Variants in HMCN1 observed in about 807,000 individuals in gnomAD.
HMCN1 encodes the protein hemicentin 1.
HMCN1 carries 321 observed loss-of-function variants against 625.9 expected under a neutral mutation model. The ratio of observed to expected loss-of-function variants is 0.51; its 90% CI spans 0.47 to 0.56. The LOEUF (loss-of-function observed/expected upper bound fraction) is 0.56, where lower values mean the gene tolerates loss of function less well. HMCN1 is among the 20% of genes least tolerant of loss of function. HMCN1 has a pLI of 0.00. For missense variants in HMCN1, 6,588 were observed against 6,887.3 expected (o/e 0.96, Z 1.54); for synonymous variants, 2,425 against 2,417.6 (o/e 1.00, Z -0.09).
intron 71 of HMCN1, among the ~76,000 whole-genome samples, chr1:186,109,901 G>T (rs1660796280): frequency 1.3e-5 from 2 of 152,126 alleles, no homozygotes; most frequent in South Asian, 4.1e-4. Flanking sequence ...TCCATAGTCT[G>T]ATCTCCCATG....
intron 35 of HMCN1, among the ~76,000 whole-genome samples, chr1:186,020,554 CAG>C (rs1654657364): frequency 6.6e-6 from 1 of 151,948 alleles, no homozygotes; most frequent in Admixed American, 6.6e-5. Flanking sequence ...ACCTGGGAGA[CAG>C]ATATTTATTA....
chr1:185,941,618 C>T (rs899565806), intron 11 of HMCN1, among the ~76,000 whole-genome samples: 3 of 152,130 alleles, frequency 2.0e-5, no homozygotes, highest in African/African-American at 7.2e-5. Context: ...TTGGTATTCA[C>T]GTAATTTCTC....
chr1:186,093,198 A>G lies in HMCN1; in HGVS notation c.9952A>G (p.Thr3318Ala), dbSNP rs960736375. Residue 3318 changes from threonine (T) to alanine (A), a missense_variant, in exon 65 of 107, where the codon ACA (threonine) becomes GCA (alanine). Thr to Ala is a moderately conservative substitution (Grantham distance 58). This residue lies in a region of HMCN1 where 4,628 missense variants were observed against 4,853.1 expected (regional missense o/e 0.95). Coordinates refer to ENST00000271588, the MANE Select transcript of HMCN1 (RefSeq NM_031935.3). ...GALTSDTGKY[T>A]CVATNPAGEE... ...TCTTACATCTGACACGGGGAAATACACATGTGTTGCTACTAATCCCGCTGG... is the reference window on the plus strand; with the variant it reads ...TCTTACATCTGACACGGGGAAATACGCATGTGTTGCTACTAATCCCGCTGG... The G allele has an allele frequency of 9.9e-6, 16 of 1,613,128 alleles. No individual in the cohort carries two copies. Among genetic ancestry groups the G allele is most frequent in the Non-Finnish European group, 1.2e-5 (14 of 1,179,474 alleles).
intron 1 of HMCN1, among the ~76,000 whole-genome samples, chr1:185,820,132 T>C (rs1171453178): frequency 1.3e-5 from 2 of 152,154 alleles, no homozygotes; most frequent in Non-Finnish European, 2.9e-5. Flanking sequence ...GGAGAAAGTG[T>C]CTAAATATGT....
chr1:186,182,839 A>G (rs1653019840), intron 105 of HMCN1, among the ~76,000 whole-genome samples: 1 of 152,236 alleles, frequency 6.6e-6, no homozygotes. Flanking sequence ...AGTCTAGTGG[A>G]GACAGACATG....
At chr1:185,736,275 C>T (rs1391588648) in intron 1 of HMCN1, among the ~76,000 whole-genome samples, 1 of 152,080 alleles carries the variant, frequency 6.6e-6, no homozygotes, top group Non-Finnish European at 1.5e-5. Flanking sequence ...CATACACATA[C>T]ATACATTACA....
At chr1:185,907,108 A>C (rs1666139725) in intron 4 of HMCN1, among the ~76,000 whole-genome samples, 1 of 151,848 alleles carries the variant, frequency 6.6e-6, no homozygotes, top group Non-Finnish European at 1.5e-5. Flanking sequence ...GGATTTGATA[A>C]GCCGAGTGAT....
At chr1:186,119,948 A>G in intron 79 of HMCN1, 63 bp from the exon 80 acceptor site, 4 of 1,613,918 alleles carry the variant, frequency 2.5e-6, no homozygotes, top group East Asian at 2.2e-5. Context: ...TCGAATCAGC[A>G]TGATTGTTTT....
intron 1 of HMCN1, among the ~76,000 whole-genome samples, chr1:185,781,299 G>C (rs533289270): frequency 6.6e-6 from 1 of 152,084 alleles, no homozygotes; most frequent in African/African-American, 2.4e-5. Flanking sequence ...CAAAAAACCA[G>C]CTCCTAGATT....
Position 185,901,037 on chromosome 1 carries a change from G to A in HMCN1, c.622-8300G>A, listed in dbSNP as rs1665776414. ...GAGCCTCAACCAGCACTTCTATTGG[G>A]AAATTAATTTAATAAAGAAAATTCT... On this transcript the variant is annotated intron_variant, in intron 4 of 106. Transcript: ENST00000271588. Among the ~76,000 whole-genome samples, 5 of 151,830 alleles carry A rather than the reference G, an allele frequency of 3.3e-5. No homozygotes were observed. In the South Asian group the frequency reaches 1.0e-3, roughly 31 times the overall value.
chr1:186,030,380 CGTAT>C, intron 36 of HMCN1, among the ~76,000 whole-genome samples: 1 of 151,964 alleles, frequency 6.6e-6, no homozygotes, highest in South Asian at 2.1e-4. Flanking sequence ...TTGTTATGTA[CGTAT>C]GTATTTATAA....
intron 4 of HMCN1, among the ~76,000 whole-genome samples, chr1:185,879,015 GC>G (rs1664126120): frequency 6.6e-6 from 1 of 152,120 alleles, no homozygotes; most frequent in South Asian, 2.1e-4. Flanking sequence ...CACACTTCTT[GC>G]AGTTATCCAG....
At chr1:185,758,113 G>A (rs1199974600) in intron 1 of HMCN1, among the ~76,000 whole-genome samples, 1 of 152,192 alleles carries the variant, frequency 6.6e-6, no homozygotes, top group Non-Finnish European at 1.5e-5. Flanking sequence ...TGGCAATCGT[G>A]TCATTTGGAC....
chr1:185,834,247 T>G (rs1259882061), intron 1 of HMCN1, among the ~76,000 whole-genome samples: 1 of 152,204 alleles, frequency 6.6e-6, no homozygotes, highest in Non-Finnish European at 1.5e-5. Context: ...AAATAAACAT[T>G]TATTATTTGC....
chr1:186,079,317 G>T (rs893507090), intron 55 of HMCN1, among the ~76,000 whole-genome samples: 2 of 152,092 alleles, frequency 1.3e-5, no homozygotes, highest in African/African-American at 4.8e-5. Flanking sequence ...GGACGAGCTG[G>T]TTCCTGCCTG....
At chr1:185,789,790 T>C (rs904358023) in intron 1 of HMCN1, among the ~76,000 whole-genome samples, 2 of 152,232 alleles carry the variant, frequency 1.3e-5, no homozygotes, top group Admixed American at 6.5e-5. Context: ...TCTTAGATAC[T>C]GTGGGCTCAG....
chr1:186,003,546 A>T (rs891142487), intron 28 of HMCN1, among the ~76,000 whole-genome samples, 172 bp from the exon 29 acceptor site: 1 of 152,158 alleles, frequency 6.6e-6, no homozygotes, highest in Non-Finnish European at 1.5e-5. Flanking sequence ...CTACATTTAA[A>T]TTTAACATTT....
At chr1:186,093,766 T>C in intron 66 of HMCN1, 97 bp downstream of exon 66, 3 of 1,528,222 alleles carry the variant, frequency 2.0e-6, no homozygotes, top group Non-Finnish European at 9.0e-7. Flanking sequence ...TGTTTTTTTC[T>C]AAGCCTTTAC....
intron 48 of HMCN1, among the ~76,000 whole-genome samples, chr1:186,063,471 AAGGAAGGAAGGAAG>A (rs1657901573): frequency 2.3e-5 from 3 of 129,886 alleles, no homozygotes; most frequent in Non-Finnish European, 5.0e-5. Context: ...GGAAGGAAGG[AAGGAAGGAAGGAAG>A]GAAGGAAGGA....
Sources: allele counts gnomAD v4.1 joint callset (sites outside exome capture counted in the v4.1 genomes callset), GRCh38; gene constraint gnomAD v4.1.1; regional missense constraint gnomAD v4.1.1; transcripts MANE v1.5; gene names NCBI Gene and HGNC (gene_info 2026-07-23, HGNC 2026-07-21).